The following NCOA7 variants were observed in gnomAD, a reference collection of about 807,000 sequenced individuals.
The protein encoded by NCOA7 is nuclear receptor coactivator 7.
In NCOA7, 45 loss-of-function variants were observed where a neutral mutation model predicts 104.3. The ratio of observed to expected loss-of-function variants is 0.43; its 90% CI spans 0.34 to 0.55. The LOEUF is 0.55. Ranked by LOEUF, NCOA7 falls within the 20% of genes least tolerant of loss-of-function variation. NCOA7 has a pLI of 0.02. For synonymous variants in NCOA7, 398 were observed against 402.3 expected (o/e 0.99, Z 0.13); for missense variants, 1,041 against 1,119.7 (o/e 0.93, Z 1.00).
At chr6:125,890,206 C>T (rs1334928075) in intron 9 of NCOA7, among the ~76,000 whole-genome samples, 3 of 152,132 alleles carry the variant, frequency 2.0e-5, no homozygotes, top group African/African-American at 4.8e-5. Flanking sequence ...CTTCAAAAGT[C>T]GTTTACTTTT....
At chr6:125,829,627 G>A (rs1397938721) in intron 2 of NCOA7, among the ~76,000 whole-genome samples, 1 of 152,166 alleles carries the variant, frequency 6.6e-6, no homozygotes, top group East Asian at 1.9e-4. Flanking sequence ...AAGTGGTTAT[G>A]TCTGTGTAGA....
At chr6:125,811,884 T>A (rs76038553) in intron 1 of NCOA7, among the ~76,000 whole-genome samples, 1 of 152,198 alleles carries the variant, frequency 6.6e-6, no homozygotes, top group East Asian at 1.9e-4. Flanking sequence ...GCATTGGATG[T>A]TGTTGACTCC....
intron 13 of NCOA7, among the ~76,000 whole-genome samples, chr6:125,925,112 T>C (rs1411205470): frequency 6.6e-6 from 1 of 152,188 alleles, no homozygotes; most frequent in African/African-American, 2.4e-5. Flanking sequence ...GAGGCTGCTG[T>C]CACTGTCTAG....
intron 10 of NCOA7, among the ~76,000 whole-genome samples, chr6:125,908,349 T>C (rs764810512): frequency 2.0e-5 from 3 of 152,202 alleles, no homozygotes; most frequent in Non-Finnish European, 4.4e-5. Context: ...GGCAGGGGGC[T>C]TGATCTAAGT....
Position 125,889,193 on chromosome 6 carries a change from C to T in NCOA7, c.1139C>T (p.Thr380Ile), listed in dbSNP as rs768706324. 6.2e-6 allele frequency: 10 copies of T among 1,613,902 alleles called. No individual in the cohort carries two copies. Among genetic ancestry groups the T allele is most frequent in the Non-Finnish European group, 7.6e-6 (9 of 1,179,990 alleles). The change falls in exon 9 of 16, where the codon ACA (threonine) becomes ATA (isoleucine). Residue 380 changes from threonine to isoleucine, a missense_variant. Around this residue, in one of 2 missense-constraint regions of NCOA7, gnomAD observed 914 missense variants for 942.7 expected, o/e 0.97. Coordinates refer to ENST00000392477, the MANE Select transcript of NCOA7 (RefSeq NM_181782.5). ...KLKKLDSSRE[T>I]SHGSPTVTKL... ...AAGAAACTGGACTCCTCTAGGGAGACATCCCATGGTTCTCCCACAGTGACT... is the reference window on the plus strand; with the variant it reads ...AAGAAACTGGACTCCTCTAGGGAGATATCCCATGGTTCTCCCACAGTGACT...
chr6:125,884,720 C>T (rs1330351828), intron 7 of NCOA7, among the ~76,000 whole-genome samples: 3 of 152,202 alleles, frequency 2.0e-5, no homozygotes, highest in Non-Finnish European at 4.4e-5. Context: ...AACAGCTGCT[C>T]CCTTAGCACA....
At chr6:125,827,123 G>C (rs1261414052) in intron 2 of NCOA7, among the ~76,000 whole-genome samples, 2 of 148,140 alleles carry the variant, frequency 1.4e-5, no homozygotes, top group African/African-American at 5.0e-5. Context: ...GGAGGCAGAG[G>C]TTGTGGTGAG....
Position 125,878,378 on chromosome 6 carries a change from T to C in NCOA7, c.459+8T>C. The C allele has an allele frequency of 6.3e-7, 1 of 1,580,144 alleles. No individual in the cohort carries two copies. The highest frequency in any genetic ancestry group is 1.1e-5 in the South Asian group (1 of 87,858). The stretch of plus-strand genomic sequence containing the variant: ...ACTATTGTTCCAGGCCAGGTAATTA[T>C]ACTCTTACTGGATATAACTCTAGAA... On this transcript the variant is annotated splice_region_variant and intron_variant, in intron 5 of 15. Transcript: ENST00000392477.
chr6:125,826,090 C>G (rs1228980152), intron 2 of NCOA7, among the ~76,000 whole-genome samples: 2 of 152,068 alleles, frequency 1.3e-5, no homozygotes. Flanking sequence ...CTTTGGGAGG[C>G]CAAGGCGGGT....
rs1254521563 is a variant in NCOA7, at chr6:125,922,843, T to A, written c.2523+9T>A. 1 of 1,611,690 alleles carries A rather than the reference T, an allele frequency of 6.2e-7. No homozygotes were observed. Among genetic ancestry groups the A allele is most frequent in the South Asian group, 1.1e-5 (1 of 90,780 alleles). On this transcript the variant is annotated intron_variant, in intron 13 of 15. Coordinates refer to ENST00000392477, the MANE Select transcript of NCOA7 (RefSeq NM_181782.5). ...AAGATATGGATAATCAGGTGAGGCC[T>A]GTCCCTCTCATAAAGAATATTTTTT...
chr6:125,807,804 C>G (rs567099495), intron 1 of NCOA7, among the ~76,000 whole-genome samples: 1 of 152,188 alleles, frequency 6.6e-6, no homozygotes, highest in African/African-American at 2.4e-5. Flanking sequence ...TCTTCTCCCT[C>G]CAGGTTCAGA....
intron 1 of NCOA7, chr6:125,797,903 A>G (rs1048629194): frequency 2.6e-5 from 4 of 152,208 alleles, no homozygotes; most frequent in Non-Finnish European, 4.4e-5. Flanking sequence ...TCTATTTAAC[A>G]TGTCTTAACT....
chr6:125,878,177 T>C, intron 4 of NCOA7, 86 bp from the exon 5 acceptor site: 2 of 670,982 alleles, frequency 3.0e-6, no homozygotes, highest in Non-Finnish European at 4.8e-6. Context: ...TTGTTATTTA[T>C]TCATATTGCA....
At chr6:125,839,079 A>C (rs1439943323) in intron 2 of NCOA7, among the ~76,000 whole-genome samples, 1 of 152,064 alleles carries the variant, frequency 6.6e-6, no homozygotes, top group Non-Finnish European at 1.5e-5. Context: ...TTACCTATGC[A>C]TGATTGATTA....
At chr6:125,827,680 GA>G (rs1778779828) in intron 2 of NCOA7, among the ~76,000 whole-genome samples, 1 of 152,168 alleles carries the variant, frequency 6.6e-6, no homozygotes, top group Non-Finnish European at 1.5e-5. Context: ...AAGGGCTAGG[GA>G]GAGAGGGAAG....
At chr6:125,888,330 T>C (rs1043390273) in intron 8 of NCOA7, among the ~76,000 whole-genome samples, 1 of 152,230 alleles carries the variant, frequency 6.6e-6, no homozygotes. Flanking sequence ...CCCACAATAA[T>C]AGTGGAAGCT....
chr6:125,889,154 T>C lies in NCOA7; in HGVS notation c.1100T>C (p.Val367Ala). Residue 367 changes from valine to alanine, a missense_variant, in exon 9 of 16, where the codon GTG (valine) becomes GCG (alanine). Physicochemically the swap from Val to Ala is moderately conservative, Grantham distance 64. This residue lies in a region of NCOA7 where 914 missense variants were observed against 942.7 expected (regional missense o/e 0.97). Coordinates refer to ENST00000392477, the MANE Select transcript of NCOA7 (RefSeq NM_181782.5). ...CCTACAAAGCCCTCAGGCAGCTCTGTGTCAGAGAAATTAAAGAAACTGGAC... is the reference window on the plus strand; with the variant it reads ...CCTACAAAGCCCTCAGGCAGCTCTGCGTCAGAGAAATTAAAGAAACTGGAC... The part of the protein sequence containing the change: ...HTPTKPSGSS[V>A]SEKLKKLDSS... 6.2e-7 allele frequency: 1 copy of C among 1,614,104 alleles called. No individual in the cohort carries two copies. The highest frequency in any genetic ancestry group is 8.5e-7 in the Non-Finnish European group (1 of 1,180,000).
intron 2 of NCOA7, among the ~76,000 whole-genome samples, chr6:125,837,894 G>A (rs977614605): frequency 1.3e-5 from 2 of 152,192 alleles, no homozygotes; most frequent in African/African-American, 4.8e-5. Context: ...ATTGCATGCT[G>A]CTCTTAGTTG....
chr6:125,788,794 G>A (rs181224355), upstream of NCOA7, among the ~76,000 whole-genome samples: 1,874 of 149,890 alleles, frequency 0.013, 32 homozygotes, highest in African/African-American at 0.044. Flanking sequence ...CGCCCGCCTC[G>A]GCCTCCCAAA....
Sources: allele counts gnomAD v4.1 joint callset (sites outside exome capture counted in the v4.1 genomes callset), GRCh38; gene constraint gnomAD v4.1.1; regional missense constraint gnomAD v4.1.1; transcripts MANE v1.5; gene names NCBI Gene and HGNC (gene_info 2026-07-23, HGNC 2026-07-21).